The following NPAS2 variants were observed in gnomAD, a reference collection of about 807,000 sequenced individuals.
The protein encoded by NPAS2 is neuronal PAS domain protein 2, also known as neuronal PAS domain-containing protein 2.
NPAS2 carries 23 observed loss-of-function variants against 107.5 expected under a neutral mutation model. The observed-to-expected ratio is 0.21, with a 90% CI of 0.15 to 0.30. NPAS2 has a LOEUF of 0.30. Among genes scored for constraint, NPAS2 ranks in the 10% least tolerant of loss-of-function variants. NPAS2 has a pLI of 1.00. For synonymous variants in NPAS2, 403 were observed against 417.5 expected (o/e 0.97, Z 0.42); for missense variants, 756 against 1,043.3 (o/e 0.72, Z 3.79).
chr2:100,857,465 G>A (rs1286841726), intron 1 of NPAS2, among the ~76,000 whole-genome samples: 1 of 152,190 alleles, frequency 6.6e-6, no homozygotes, highest in African/African-American at 2.4e-5. Flanking sequence ...GCAGCCCAGT[G>A]GATTGTCAGT....
intron 20 of NPAS2, chr2:100,994,788 C>T (rs1338667510): frequency 6.6e-6 from 1 of 152,404 alleles, no homozygotes; most frequent in Non-Finnish European, 1.5e-5. Context: ...AGCAAAAGTT[C>T]AGGGCAGCTG....
intron 16 of NPAS2, chr2:100,983,885 A>C (rs1352690770): frequency 6.6e-6 from 1 of 152,244 alleles, no homozygotes; most frequent in Non-Finnish European, 1.5e-5. Flanking sequence ...TTACACTAAC[A>C]GGAAGGGGGA....
rs949212128 is a variant in NPAS2, at chr2:100,955,688, C to G, written c.598+6208C>G. Among the ~76,000 whole-genome samples the G allele has an allele frequency of 2.0e-5, 3 of 152,126 alleles. No individual in the cohort carries two copies. In the East Asian group the frequency reaches 5.8e-4, roughly 29 times the overall value. ...CTTGTGATTTGTCCACACTGAGGGC[C>G]TCTGAAGCAGCAGTGAGTGGCTGGG... is the stretch of plus-strand genomic sequence containing the variant. On this transcript the variant is annotated intron_variant, in intron 7 of 20. Coordinates refer to ENST00000335681, the MANE Select transcript of NPAS2 (RefSeq NM_002518.4).
At chr2:100,942,691 C>A (rs572438911) in intron 5 of NPAS2, among the ~76,000 whole-genome samples, 1 of 152,132 alleles carries the variant, frequency 6.6e-6, no homozygotes, top group Non-Finnish European at 1.5e-5. Context: ...TTTCGTCACA[C>A]GTCCACCTTC....
intron 17 of NPAS2, chr2:100,988,904 C>T (rs1188521335): frequency 3.8e-6 from 1 of 262,718 alleles, no homozygotes; most frequent in Non-Finnish European, 7.2e-6. Context: ...CTCCAGGCCC[C>T]CACTGTTCCT....
At chr2:100,957,797 A>C (rs1031962389) in intron 7 of NPAS2, among the ~76,000 whole-genome samples, 1 of 152,190 alleles carries the variant, frequency 6.6e-6, no homozygotes, top group Non-Finnish European at 1.5e-5. Flanking sequence ...GCGCGATGGC[A>C]GGTGCCTGTA....
intron 1 of NPAS2, among the ~76,000 whole-genome samples, chr2:100,826,629 T>G (rs1201529728): frequency 6.6e-6 from 1 of 152,218 alleles, no homozygotes; most frequent in Non-Finnish European, 1.5e-5. Context: ...AATAATCTAT[T>G]GAGTTGACTG....
intron 2 of NPAS2, among the ~76,000 whole-genome samples, chr2:100,910,230 A>T (rs1682453948): frequency 6.6e-6 from 1 of 152,214 alleles, no homozygotes; most frequent in South Asian, 2.1e-4. Flanking sequence ...TTTGGTGACA[A>T]GTTCCTAACT....
In NPAS2 at chr2:100,982,239, A is replaced by C. The variant is rs758256036; in HGVS notation, c.1491A>C (p.Ala497=). The C allele has an allele frequency of 3.1e-6, 5 of 1,614,012 alleles. No homozygotes were observed. The highest frequency in any genetic ancestry group is 4.2e-6 in the Non-Finnish European group (5 of 1,180,024). The change falls in exon 16 of 21, where the codon GCA becomes GCC. Residue 497 remains alanine, a synonymous_variant. Transcript: ENST00000335681. ...TCGGCTCCACCTTGAAGTTTTCGGCACAGTTCAGCATGTTCCAGACCATCA... is the reference window on the plus strand; with the variant it reads ...TCGGCTCCACCTTGAAGTTTTCGGCCCAGTTCAGCATGTTCCAGACCATCA... ...STPAPMAQFS[A]QFSMFQTIKD... is the part of the protein sequence containing the mutation.
At chr2:100,853,634 C>A (rs1678359213) in intron 1 of NPAS2, among the ~76,000 whole-genome samples, 1 of 152,148 alleles carries the variant, frequency 6.6e-6, no homozygotes, top group Admixed American at 6.5e-5. Context: ...CAGTTAGATC[C>A]TGTAGTGAAA....
chr2:100,870,248 T>C (rs904599051), intron 1 of NPAS2, among the ~76,000 whole-genome samples: 2 of 152,178 alleles, frequency 1.3e-5, no homozygotes, highest in African/African-American at 4.8e-5. Flanking sequence ...AAGTTTCCTA[T>C]TCTCTTATTC....
intron 1 of NPAS2, among the ~76,000 whole-genome samples, chr2:100,850,885 G>A (rs971231063): frequency 6.8e-6 from 1 of 147,294 alleles, no homozygotes; most frequent in African/African-American, 2.5e-5. Flanking sequence ...CCCAGGAGGT[G>A]GAGGTTGCAG....
At chr2:100,959,212 G>A (rs1002716454) in intron 7 of NPAS2, among the ~76,000 whole-genome samples, 11 of 151,932 alleles carry the variant, frequency 7.2e-5, no homozygotes, top group African/African-American at 1.7e-4. Flanking sequence ...CCAGGCTGCA[G>A]TGAGCCAAGA....
At chr2:100,971,853 T>C (rs1042750313) in intron 12 of NPAS2, among the ~76,000 whole-genome samples, 1 of 150,608 alleles carries the variant, frequency 6.6e-6, no homozygotes, top group African/African-American at 2.4e-5. Flanking sequence ...ACACAAATGT[T>C]GGGAGAAAAA....
Position 100,988,263 on chromosome 2 carries a change from T to C in NPAS2, c.1814T>C (p.Val605Ala), listed in dbSNP as rs1047580013. 9.9e-6 allele frequency: 16 copies of C among 1,613,512 alleles called. No individual in the cohort carries two copies. The highest frequency in any genetic ancestry group is 1.4e-5 in the Non-Finnish European group (16 of 1,179,904). Residue 605 changes from valine (V) to alanine (A), a missense_variant, in exon 17 of 21, where the codon GTG becomes GCG. Val to Ala is a moderately conservative substitution (Grantham distance 64). This residue lies in a region of NPAS2 where 496 missense variants were observed against 594.4 expected (regional missense o/e 0.83). Transcript: ENST00000335681. ...CAGCACCTGCTCAGAGAATCAAGTG[T>C]GATATCAACCCAGGTAAATGTGCTC... is the stretch of plus-strand genomic sequence containing the variant. Reference protein sequence around the residue: ...TSQHLLRESSVISTQGPKPMR... With the variant: ...TSQHLLRESSAISTQGPKPMR...
chr2:100,912,253 TTTA>T (rs149103825), intron 2 of NPAS2, among the ~76,000 whole-genome samples: 4,425 of 67,180 alleles, frequency 0.066, 173 homozygotes, highest in African/African-American at 0.2. Flanking sequence ...TATTTATTTA[TTTA>T]TTATTATTAT....
chr2:100,979,077 C>G (rs929038771), intron 15 of NPAS2, among the ~76,000 whole-genome samples: 3 of 152,172 alleles, frequency 2.0e-5, no homozygotes, highest in African/African-American at 7.2e-5. Flanking sequence ...AAAACTATTT[C>G]GGAACATATG....
rs192550544 is a variant in NPAS2 at position 100,837,482 on chromosome 2, T to A, written c.-23+17068T>A. On this transcript the variant is annotated intron_variant, in intron 1 of 20. Transcript: ENST00000335681. ...TTTTTGTATTTTTAGTAGAGACGGT[T>A]TTGTATTTTTAGTAGAGACGAGGTT... Among the ~76,000 whole-genome samples, 1,207 of 152,198 alleles carry A rather than the reference T, an allele frequency of 7.9e-3. 9 individuals carry two copies. The highest frequency in any genetic ancestry group is 0.013 in the Admixed American group (203 of 15,276).
At chr2:100,858,419 C>G (rs1263941714) in intron 1 of NPAS2, among the ~76,000 whole-genome samples, 1 of 152,342 alleles carries the variant, frequency 6.6e-6, no homozygotes, top group East Asian at 1.9e-4. Flanking sequence ...AGCGTGCACT[C>G]TCACTTCTAT....
Sources: allele counts gnomAD v4.1 joint callset (sites outside exome capture counted in the v4.1 genomes callset), GRCh38; gene constraint gnomAD v4.1.1; regional missense constraint gnomAD v4.1.1; transcripts MANE v1.5; gene names NCBI Gene and HGNC (gene_info 2026-07-23, HGNC 2026-07-21).